Variants in CNTN5 observed in about 807,000 individuals in gnomAD.
CNTN5 encodes the protein contactin 5.
A neutral mutation model predicts 129.1 loss-of-function variants in CNTN5; 77 were observed. That is an observed-to-expected ratio of 0.60 (90% CI 0.50 to 0.72). The LOEUF (loss-of-function observed/expected upper bound fraction) is 0.72. Among genes scored for constraint, CNTN5 ranks in the 30% least tolerant of loss-of-function variants. CNTN5 has a pLI of 0.00. For synonymous variants in CNTN5, 509 were observed against 465.6 expected, an observed-to-expected ratio of 1.09 and a Z score of -1.20; for missense variants, 1,478 against 1,328.8, an observed-to-expected ratio of 1.11 and a Z score of -1.75.
chr11:99,546,189 G>A (rs1366175195), intron 2 of CNTN5, among the ~76,000 whole-genome samples: 1 of 152,094 alleles, frequency 6.6e-6, no homozygotes, highest in Non-Finnish European at 1.5e-5. Flanking sequence ...ACTGTCAATG[G>A]AAGCTTGATA....
intron 3 of CNTN5, among the ~76,000 whole-genome samples, chr11:99,638,607 A>G (rs1951652160): frequency 6.6e-6 from 1 of 152,158 alleles, no homozygotes; most frequent in Admixed American, 6.5e-5. Context: ...TTGGGTAAAT[A>G]TAACCATTCC....
chr11:99,877,611 TA>T (rs5794026), intron 6 of CNTN5, among the ~76,000 whole-genome samples: 121,541 of 151,692 alleles, frequency 0.8, 48,707 homozygotes, highest in Admixed American at 0.85. Context: ...ATCTTTAGTT[TA>T]AAAAAAAAAT....
At chr11:99,376,758 C>T (rs1012785727) in intron 2 of CNTN5, among the ~76,000 whole-genome samples, 10 of 152,070 alleles carry the variant, frequency 6.6e-5, no homozygotes, top group African/African-American at 2.4e-4. Flanking sequence ...TGCCCTTATT[C>T]GATGAATGTT....
chr11:99,322,410 A>C (rs747864734), intron 1 of CNTN5, among the ~76,000 whole-genome samples: 2 of 152,186 alleles, frequency 1.3e-5, no homozygotes, highest in South Asian at 4.1e-4. Context: ...AAAAATTATC[A>C]GGAAAACTTT....
intron 1 of CNTN5, among the ~76,000 whole-genome samples, chr11:99,232,447 C>A (rs1195275267): frequency 6.6e-6 from 1 of 152,146 alleles, no homozygotes; most frequent in Non-Finnish European, 1.5e-5. Context: ...ATTTGCCTCT[C>A]TGCTTACCTG....
At chr11:100,333,408 G>GAAAAAAAAAAAAAAAAAAAAAA in intron 21 of CNTN5, among the ~76,000 whole-genome samples, 1 of 74,274 alleles carries the variant, frequency 1.3e-5, no homozygotes, top group Non-Finnish European at 2.4e-5. Flanking sequence ...CACTGAATTA[G>GAAAAAAAAAAAAAAAAAAAAAA]AAAAAAAAAA....
chr11:100,162,476 T>G (rs543461583), intron 13 of CNTN5, among the ~76,000 whole-genome samples: 2 of 151,904 alleles, frequency 1.3e-5, no homozygotes, highest in Non-Finnish European at 1.5e-5. Context: ...ACTAGCTGGC[T>G]TCATGAATGA....
chr11:99,347,332 C>A (rs968110336), intron 2 of CNTN5, among the ~76,000 whole-genome samples: 1 of 152,002 alleles, frequency 6.6e-6, no homozygotes, highest in African/African-American at 2.4e-5. Context: ...TGACACAGGG[C>A]GTGGGAAGTG....
intron 2 of CNTN5, among the ~76,000 whole-genome samples, chr11:99,402,283 T>A (rs1439552548): frequency 6.6e-6 from 1 of 152,202 alleles, no homozygotes; most frequent in African/African-American, 2.4e-5. Context: ...CATGAAGCGA[T>A]ATTGAATTTT....
intron 15 of CNTN5, among the ~76,000 whole-genome samples, chr11:100,222,873 G>A (rs570292481): frequency 7.9e-5 from 12 of 151,766 alleles, no homozygotes; most frequent in African/African-American, 2.9e-4. Context: ...AGAGAAAGAA[G>A]CTAAAGTGGG....
intron 3 of CNTN5, among the ~76,000 whole-genome samples, chr11:99,653,485 T>C (rs1461064811): frequency 1.3e-5 from 2 of 151,960 alleles, no homozygotes; most frequent in Non-Finnish European, 2.9e-5. Context: ...GTTCTATTTA[T>C]TGAAGAATTA....
chr11:99,737,038 TGTC>T (rs1943732734), intron 3 of CNTN5, among the ~76,000 whole-genome samples: 1 of 152,166 alleles, frequency 6.6e-6, no homozygotes, highest in African/African-American at 2.4e-5. Flanking sequence ...TAATGCCTTC[TGTC>T]GTCAAGTTTC....
At chr11:99,021,773 C>T (rs982780599) in intron 1 of CNTN5, among the ~76,000 whole-genome samples, 2 of 152,080 alleles carry the variant, frequency 1.3e-5, no homozygotes, top group African/African-American at 4.8e-5. Context: ...CTACAAAGTT[C>T]GTGAGACTGA....
chr11:100,139,711 A>G (rs1022761754), intron 13 of CNTN5, among the ~76,000 whole-genome samples: 1 of 152,102 alleles, frequency 6.6e-6, no homozygotes, highest in Non-Finnish European at 1.5e-5. Context: ...TGAAAATACA[A>G]AAATTAGCCG....
intron 15 of CNTN5, among the ~76,000 whole-genome samples, chr11:100,213,713 T>C (rs1591399143): frequency 6.6e-6 from 1 of 152,186 alleles, no homozygotes; most frequent in Non-Finnish European, 1.5e-5. Context: ...TGAATGTTCA[T>C]TGGAAGATTG....
chr11:99,938,522 G>A (rs1187077866), intron 7 of CNTN5, among the ~76,000 whole-genome samples: 5 of 152,064 alleles, frequency 3.3e-5, no homozygotes, highest in African/African-American at 1.2e-4. Context: ...CAAGAAGCCG[G>A]TAATAGTTCT....
chr11:99,143,917 T>A (rs538136797), intron 1 of CNTN5, among the ~76,000 whole-genome samples: 16 of 152,330 alleles, frequency 1.1e-4, no homozygotes, highest in African/African-American at 3.8e-4. Context: ...TCCTACAAAC[T>A]GTTGTTCCAT....
chr11:99,967,518 CT>C (rs2136213586), intron 8 of CNTN5, among the ~76,000 whole-genome samples: 1 of 152,260 alleles, frequency 6.6e-6, no homozygotes, highest in South Asian at 2.1e-4. Flanking sequence ...TTTGCCTGTC[CT>C]TGTTCAGCAT....
chr11:99,600,720 C>T (rs1236349419), intron 3 of CNTN5, among the ~76,000 whole-genome samples: 1 of 151,612 alleles, frequency 6.6e-6, no homozygotes, highest in Non-Finnish European at 1.5e-5. Flanking sequence ...GGTTATCCAC[C>T]AGTGTTGGAG....
Sources: gnomAD v4.1 joint callset for allele counts (sites outside exome capture counted in the v4.1 genomes callset) on GRCh38, gnomAD v4.1.1 for gene constraint, MANE v1.5 for transcripts, NCBI Gene and HGNC (gene_info 2026-07-23, HGNC 2026-07-21) for gene names.